Variants in CARMIL1 observed in about 807,000 individuals in gnomAD.
CARMIL1 encodes capping protein regulator and myosin 1 linker 1, also known as F-actin-uncapping protein LRRC16A.
Under a neutral mutation model 177.1 loss-of-function variants are expected in CARMIL1, and 90 were observed. That is an observed-to-expected ratio of 0.51 (90% CI 0.43 to 0.61). CARMIL1 has a LOEUF of 0.61. CARMIL1 is among the 20% of genes least tolerant of loss of function. CARMIL1 has a pLI of 0.00. For missense variants in CARMIL1, 1,380 were observed against 1,667.0 expected (o/e 0.83, Z 3.00); for synonymous variants, 577 against 606.2 (o/e 0.95, Z 0.71).
chr6:25,605,837 A>G (rs1815906782), intron 34 of CARMIL1, among the ~76,000 whole-genome samples: 1 of 152,230 alleles, frequency 6.6e-6, no homozygotes, highest in African/African-American at 2.4e-5. Context: ...AGGGGTGATC[A>G]GAAAACAACC....
chr6:25,552,632 A>G (rs1320525421), intron 27 of CARMIL1, among the ~76,000 whole-genome samples: 1 of 152,218 alleles, frequency 6.6e-6, no homozygotes, highest in Non-Finnish European at 1.5e-5. Context: ...GGAAGGAAGC[A>G]TAGTATCCGG....
intron 2 of CARMIL1, among the ~76,000 whole-genome samples, chr6:25,325,263 A>T (rs975294278): frequency 2.0e-5 from 3 of 152,176 alleles, no homozygotes; most frequent in African/African-American, 7.2e-5. Context: ...ACGTGCCATT[A>T]TGTGAGGCAG....
chr6:25,550,430 G>A (rs1809968533), intron 26 of CARMIL1, among the ~76,000 whole-genome samples: 1 of 152,090 alleles, frequency 6.6e-6, no homozygotes, highest in Admixed American at 6.6e-5. Flanking sequence ...TGCTACTGCT[G>A]TTTTGATAGA....
chr6:25,340,308 G>T (rs891828740), intron 2 of CARMIL1, among the ~76,000 whole-genome samples: 1 of 152,174 alleles, frequency 6.6e-6, no homozygotes, highest in African/African-American at 2.4e-5. Context: ...AACCTTCAGT[G>T]TTCAGTGTGT....
chr6:25,594,142 C>T (rs1440594190), intron 31 of CARMIL1, among the ~76,000 whole-genome samples: 5 of 152,136 alleles, frequency 3.3e-5, no homozygotes, highest in East Asian at 1.9e-4. Flanking sequence ...TAGAAACACT[C>T]GACTCGTCCT....
chr6:25,323,178 G>T (rs189600836), intron 2 of CARMIL1, among the ~76,000 whole-genome samples: 144 of 151,996 alleles, frequency 9.5e-4, no homozygotes, highest in African/African-American at 3.4e-3. Flanking sequence ...GGTAGGTGGG[G>T]TTTTTACTTT....
intron 8 of CARMIL1, among the ~76,000 whole-genome samples, chr6:25,459,893 C>CT (rs1233766709): frequency 6.6e-6 from 1 of 152,228 alleles, no homozygotes; most frequent in African/African-American, 2.4e-5. Flanking sequence ...TTAAGGCTGA[C>CT]TTTACTTTTC....
chr6:25,282,388 T>G (rs1050509900), intron 1 of CARMIL1, among the ~76,000 whole-genome samples: 2 of 152,162 alleles, frequency 1.3e-5, no homozygotes, highest in African/African-American at 4.8e-5. Flanking sequence ...GAACTCATAG[T>G]GCAGTGAGCT....
intron 29 of CARMIL1, chr6:25,563,931 T>C (rs534717415): frequency 1.1e-6 from 1 of 929,718 alleles, no homozygotes; most frequent in African/African-American, 1.8e-5. Context: ...TAGTGAGTCA[T>C]GAAATCAGTA....
intron 2 of CARMIL1, among the ~76,000 whole-genome samples, chr6:25,392,328 C>T (rs1455711973): frequency 6.6e-6 from 1 of 152,126 alleles, no homozygotes; most frequent in Non-Finnish European, 1.5e-5. Context: ...CTTCTTTCCA[C>T]AACTTCAAAT....
intron 35 of CARMIL1, among the ~76,000 whole-genome samples, chr6:25,606,548 A>G (rs1467129041): frequency 6.6e-6 from 1 of 152,204 alleles, no homozygotes; most frequent in East Asian, 1.9e-4. Context: ...CAAGACAGGG[A>G]AATCAGTCTT....
chr6:25,458,485 CAAAAAAAAAAAAA>C (rs750169275), intron 8 of CARMIL1, among the ~76,000 whole-genome samples: 2 of 68,212 alleles, frequency 2.9e-5, no homozygotes, highest in Non-Finnish European at 5.0e-5. Context: ...GACTCTGTCT[CAAAAAAAAAAAAA>C]AAAAAAAAAA....
Position 25,556,878 on chromosome 6 carries a change from T to TA in CARMIL1, c.2742+29dup, listed in dbSNP as rs1810659405. On this transcript the variant is annotated intron_variant, in intron 29 of 36. Transcript: ENST00000329474. Reference sequence around the variant, plus strand: ...AAGACACATCCTCTGGTGGTACCGTTACCCTTTTCACTGGACTGTGCCATT... The same window carrying TA: ...AAGACACATCCTCTGGTGGTACCGTTAACCCTTTTCACTGGACTGTGCCATT... The TA allele has an allele frequency of 3.1e-6, 5 of 1,606,770 alleles. No individual in the cohort carries two copies. In the Middle Eastern group the frequency reaches 5.0e-4, roughly 159 times the overall value.
chr6:25,402,085 T>C (rs1256841220), intron 2 of CARMIL1, among the ~76,000 whole-genome samples: 1 of 152,072 alleles, frequency 6.6e-6, no homozygotes, highest in Non-Finnish European at 1.5e-5. Flanking sequence ...ACTGTGAAAT[T>C]GACTGTCATT....
chr6:25,590,094 C>T (rs1254238063), intron 31 of CARMIL1, among the ~76,000 whole-genome samples: 1 of 152,248 alleles, frequency 6.6e-6, no homozygotes, highest in East Asian at 1.9e-4. Context: ...ATCAATACTC[C>T]AATAAGTCAG....
intron 24 of CARMIL1, among the ~76,000 whole-genome samples, chr6:25,533,683 T>C (rs1434542289): frequency 6.6e-6 from 1 of 152,168 alleles, no homozygotes; most frequent in African/African-American, 2.4e-5. Context: ...TACACAACTC[T>C]TTCTCTTTTC....
intron 2 of CARMIL1, among the ~76,000 whole-genome samples, chr6:25,336,733 A>G (rs750750401): frequency 1.3e-5 from 2 of 152,200 alleles, no homozygotes; most frequent in Non-Finnish European, 2.9e-5. Flanking sequence ...TAGGCACTCA[A>G]TAAATGTTGC....
intron 2 of CARMIL1, among the ~76,000 whole-genome samples, chr6:25,354,838 A>G (rs183881459): frequency 1.3e-5 from 2 of 152,242 alleles, no homozygotes; most frequent in African/African-American, 2.4e-5. Flanking sequence ...GCAGATCTAT[A>G]TCCATTCCAA....
chr6:25,495,376 T>C (rs1803600838), intron 16 of CARMIL1, among the ~76,000 whole-genome samples, 161 bp downstream of exon 16: 2 of 152,190 alleles, frequency 1.3e-5, no homozygotes, highest in Admixed American at 1.3e-4. Context: ...TTTTAAAAAG[T>C]ACATTGTGCA....
Sources: allele counts gnomAD v4.1 joint callset (sites outside exome capture counted in the v4.1 genomes callset), GRCh38; gene constraint gnomAD v4.1.1; transcripts MANE v1.5; gene names NCBI Gene and HGNC (gene_info 2026-07-23, HGNC 2026-07-21).